GALNT13: variants seen among roughly 807,000 people sequenced by gnomAD.
The protein encoded by GALNT13 is UDP-GalNAc:polypeptide N-acetylgalactosaminyltransferase 13.
Under a neutral mutation model 64.2 loss-of-function variants are expected in GALNT13, and 28 were observed. That is an observed-to-expected ratio of 0.44 (90% CI 0.32 to 0.60). GALNT13 has a LOEUF of 0.60. GALNT13 is among the 20% of genes least tolerant of loss of function. GALNT13 has a pLI of 0.05. For missense variants in GALNT13, 577 were observed against 669.8 expected (o/e 0.86, Z 1.53); for synonymous variants, 214 against 224.6 (o/e 0.95, Z 0.42).
At position 154,309,550 on chromosome 2, in the gene GALNT13, A is replaced by G. The variant is rs569844416; in HGVS notation, c.1156+7961A>G. 6.5e-4 allele frequency among the ~76,000 whole-genome samples: 99 copies of G among 152,284 alleles called. 1 individual carries two copies. The highest frequency in any genetic ancestry group is 1.2e-3 in the East Asian group (6 of 5,180). On this transcript the variant is annotated intron_variant, in intron 9 of 12. Coordinates refer to ENST00000392825, the MANE Select transcript of GALNT13 (RefSeq NM_052917.4). ...GTGGAAGGGGAAATGGGTATGTGCA[A>G]GGAGACCAAACATGAGAAGAAACAA... is the stretch of plus-strand genomic sequence containing the variant.
chr2:153,720,939 C>T, the GALNT13 span, among the ~76,000 whole-genome samples: 1 of 152,014 alleles, frequency 6.6e-6, no homozygotes, highest in Non-Finnish European at 1.5e-5. Context: ...GGCCGACGTT[C>T]AGATTCAGGA....
chr2:153,766,336 C>T, the GALNT13 span, among the ~76,000 whole-genome samples: 1 of 151,914 alleles, frequency 6.6e-6, no homozygotes, highest in Non-Finnish European at 1.5e-5. Context: ...TGTCCCATGG[C>T]AATCTCTTCT....
At chr2:154,446,093 AC>A (rs1465058096) in intron 12 of GALNT13, among the ~76,000 whole-genome samples, 2 of 152,012 alleles carry the variant, frequency 1.3e-5, no homozygotes, top group Admixed American at 1.3e-4. Context: ...CAATTTGAGT[AC>A]CATACTGTTC....
chr2:153,851,757 A>C, the GALNT13 span, among the ~76,000 whole-genome samples: 1 of 152,154 alleles, frequency 6.6e-6, no homozygotes, highest in Non-Finnish European at 1.5e-5. Context: ...AATTAATAGC[A>C]CCAGAATTTG....
intron 10 of GALNT13, among the ~76,000 whole-genome samples, chr2:154,398,618 G>A (rs1469328505): frequency 2.6e-5 from 4 of 152,180 alleles, no homozygotes; most frequent in Non-Finnish European, 5.9e-5. Flanking sequence ...GCAGTATGGT[G>A]TATTGAAAAC....
At chr2:154,375,835 A>T (rs1434071918) in intron 9 of GALNT13, among the ~76,000 whole-genome samples, 1 of 152,230 alleles carries the variant, frequency 6.6e-6, no homozygotes, top group African/African-American at 2.4e-5. Context: ...TAAAAGGGAA[A>T]GGCTTCCATC....
the GALNT13 span, among the ~76,000 whole-genome samples, chr2:153,347,823 A>G: frequency 1.3e-5 from 2 of 152,250 alleles, no homozygotes; most frequent in Non-Finnish European, 2.9e-5. Context: ...TTTTACTCTT[A>G]GTAATCATTA....
At chr2:154,393,658 A>AG (rs1698904300) in intron 9 of GALNT13, among the ~76,000 whole-genome samples, 2 of 152,198 alleles carry the variant, frequency 1.3e-5, no homozygotes, top group South Asian at 4.1e-4. Context: ...TGGAAATGCC[A>AG]GGGGGCGGCT....
the GALNT13 span, among the ~76,000 whole-genome samples, chr2:153,222,329 GGGT>G: frequency 2.0e-3 from 173 of 85,620 alleles, 1 homozygote; most frequent in Admixed American, 4.3e-3. Flanking sequence ...GGGGGGGGTG[GGGT>G]GGGGGGGGGG....
the GALNT13 span, among the ~76,000 whole-genome samples, chr2:153,119,943 A>G: frequency 6.6e-6 from 1 of 152,158 alleles, no homozygotes; most frequent in Non-Finnish European, 1.5e-5. Context: ...TATGCCCTAC[A>G]TATCCACTAT....
At chr2:153,920,193 T>A (rs1432225489) in intron 2 of GALNT13, among the ~76,000 whole-genome samples, 1 of 151,820 alleles carries the variant, frequency 6.6e-6, no homozygotes, top group East Asian at 1.9e-4. Flanking sequence ...TCAATTACGA[T>A]TATAGTTTGG....
At chr2:153,166,104 TC>T in the GALNT13 span, among the ~76,000 whole-genome samples, 4 of 152,260 alleles carry the variant, frequency 2.6e-5, no homozygotes, top group East Asian at 7.7e-4. Flanking sequence ...GCCTAAAGAT[TC>T]CCAAAGATTC....
chr2:153,236,839 T>G, the GALNT13 span, among the ~76,000 whole-genome samples: 1 of 152,074 alleles, frequency 6.6e-6, no homozygotes, highest in South Asian at 2.1e-4. Flanking sequence ...ATTTAAGAAA[T>G]ACATTTCATA....
the GALNT13 span, among the ~76,000 whole-genome samples, chr2:153,689,939 G>A: frequency 9.2e-4 from 140 of 151,794 alleles, no homozygotes; most frequent in African/African-American, 3.0e-3. Flanking sequence ...TTTTGTTGTC[G>A]CTGTAATTAA....
At chr2:153,897,223 A>T (rs1687948528) in intron 1 of GALNT13, among the ~76,000 whole-genome samples, 1 of 152,106 alleles carries the variant, frequency 6.6e-6, no homozygotes, top group Non-Finnish European at 1.5e-5. Context: ...TGTAACTCCC[A>T]GTATATTTCT....
chr2:154,199,949 C>A (rs1188229627), intron 4 of GALNT13, among the ~76,000 whole-genome samples: 1 of 151,842 alleles, frequency 6.6e-6, no homozygotes, highest in Non-Finnish European at 1.5e-5. Context: ...TTTATAATTA[C>A]CGAGCAAGAA....
At chr2:153,261,720 C>A in the GALNT13 span, among the ~76,000 whole-genome samples, 1 of 148,962 alleles carries the variant, frequency 6.7e-6, no homozygotes, top group African/African-American at 2.5e-5. Flanking sequence ...AAGGGCTCTA[C>A]AATCAGTAGG....
the GALNT13 span, among the ~76,000 whole-genome samples, chr2:153,825,772 C>T: frequency 6.6e-6 from 1 of 152,120 alleles, no homozygotes; most frequent in South Asian, 2.1e-4. Context: ...CTAACAAGAG[C>T]TGGCTTCTTT....
the GALNT13 span, among the ~76,000 whole-genome samples, chr2:153,190,612 A>G: frequency 1.3e-5 from 2 of 151,940 alleles, no homozygotes; most frequent in African/African-American, 4.8e-5. Flanking sequence ...TATTTCTGTG[A>G]AAAATGTGAT....
Sources: gnomAD v4.1 joint callset for allele counts (sites outside exome capture counted in the v4.1 genomes callset) on GRCh38, gnomAD v4.1.1 for gene constraint, MANE v1.5 for transcripts, NCBI Gene and HGNC (gene_info 2026-07-23, HGNC 2026-07-21) for gene names.